ASTN1: variants seen among roughly 807,000 people sequenced by gnomAD.
ASTN1 encodes astrotactin 1.
Under a neutral mutation model 140.7 loss-of-function variants are expected in ASTN1, and 41 were observed. The observed-to-expected ratio is 0.29, with a 90% confidence interval of 0.23 to 0.38. ASTN1 has a LOEUF of 0.38. Among genes scored for constraint, ASTN1 ranks in the 10% least tolerant of loss-of-function variants. The pLI is 1.00. For missense variants in ASTN1, 1,479 were observed against 1,678.8 expected (o/e 0.88, Z 2.08); for synonymous variants, 640 against 652.2 (o/e 0.98, Z 0.29).
chr1:177,038,717 G>C (rs974823572), intron 2 of ASTN1, among the ~76,000 whole-genome samples: 2 of 151,960 alleles, frequency 1.3e-5, no homozygotes, highest in Admixed American at 6.6e-5. Flanking sequence ...TTTTTTTTCA[G>C]TGGTCACTGT....
intron 7 of ASTN1, among the ~76,000 whole-genome samples, chr1:177,020,731 T>C (rs1675781138): frequency 6.6e-6 from 1 of 152,216 alleles, no homozygotes; most frequent in Non-Finnish European, 1.5e-5. Context: ...CCTGGTGTTC[T>C]GAAGCATGGT....
At chr1:177,127,370 C>T (rs531909700) in intron 1 of ASTN1, among the ~76,000 whole-genome samples, 12 of 152,170 alleles carry the variant, frequency 7.9e-5, no homozygotes, top group East Asian at 5.8e-4. Flanking sequence ...CTTTTTATTC[C>T]GAGAAGCACT....
chr1:176,926,061 C>G (rs1670953268), intron 16 of ASTN1, among the ~76,000 whole-genome samples: 2 of 152,124 alleles, frequency 1.3e-5, no homozygotes, highest in African/African-American at 2.4e-5. Flanking sequence ...TCCGCCTTGG[C>G]CTCCCAGAGT....
At chr1:176,938,823 C>A (rs988296383) in intron 14 of ASTN1, among the ~76,000 whole-genome samples, 1 of 152,074 alleles carries the variant, frequency 6.6e-6, no homozygotes, top group African/African-American at 2.4e-5. Flanking sequence ...CATAAAAGTT[C>A]TTTGAGAAAG....
intron 12 of ASTN1, among the ~76,000 whole-genome samples, chr1:176,947,677 T>C (rs1032897505): frequency 2.0e-5 from 3 of 152,202 alleles, no homozygotes; most frequent in East Asian, 1.9e-4. Context: ...ACAGTGTTTC[T>C]AGGAAGAATT....
intron 1 of ASTN1, among the ~76,000 whole-genome samples, chr1:177,066,814 T>C (rs1678380307): frequency 6.6e-6 from 1 of 152,196 alleles, no homozygotes; most frequent in Admixed American, 6.5e-5. Flanking sequence ...AGAGCAGTCT[T>C]GGTATTCTGG....
intron 1 of ASTN1, among the ~76,000 whole-genome samples, chr1:177,140,541 T>C (rs889549167): frequency 1.8e-4 from 28 of 152,194 alleles, no homozygotes; most frequent in African/African-American, 5.8e-4. Context: ...AAAGCCTGGG[T>C]ACATTCTGTT....
chr1:176,907,443 G>T (rs963744838), intron 16 of ASTN1, among the ~76,000 whole-genome samples: 2 of 152,132 alleles, frequency 1.3e-5, no homozygotes, highest in Non-Finnish European at 2.9e-5. Flanking sequence ...GGGTACAAGT[G>T]GCCTGATTTG....
chr1:176,980,641 T>C (rs1346670942), intron 8 of ASTN1, among the ~76,000 whole-genome samples: 1 of 152,004 alleles, frequency 6.6e-6, no homozygotes, highest in African/African-American at 2.4e-5. Flanking sequence ...ATGGACTTGA[T>C]GACACTGGGA....
chr1:176,996,274 C>T (rs577278537), intron 8 of ASTN1, among the ~76,000 whole-genome samples: 19 of 113,198 alleles, frequency 1.7e-4, no homozygotes, highest in African/African-American at 6.2e-4. Flanking sequence ...CTCTCTCTCT[C>T]TCTCTCTCTC....
intron 1 of ASTN1, among the ~76,000 whole-genome samples, chr1:177,074,560 T>C (rs901841892): frequency 6.6e-6 from 1 of 152,208 alleles, no homozygotes; most frequent in Non-Finnish European, 1.5e-5. Flanking sequence ...CTTACACTCA[T>C]GCTAGGTTCC....
intron 16 of ASTN1, among the ~76,000 whole-genome samples, chr1:176,902,624 C>T (rs1557947307): frequency 1.3e-5 from 2 of 152,152 alleles, no homozygotes; most frequent in African/African-American, 2.4e-5. Flanking sequence ...ATTGACTAAA[C>T]AGCCTCCCGT....
intron 14 of ASTN1, among the ~76,000 whole-genome samples, chr1:176,940,493 G>A (rs1671670413): frequency 6.6e-6 from 1 of 152,184 alleles, no homozygotes; most frequent in South Asian, 2.1e-4. Flanking sequence ...CTCACTTCTA[G>A]TTAAGCCACC....
At chr1:177,087,312 T>A (rs1313150667) in intron 1 of ASTN1, among the ~76,000 whole-genome samples, 1 of 152,154 alleles carries the variant, frequency 6.6e-6, no homozygotes, top group African/African-American at 2.4e-5. Flanking sequence ...AAACCCTAGT[T>A]TTCAAACCCC....
At chr1:177,102,493 A>G (rs1042767118) in intron 1 of ASTN1, among the ~76,000 whole-genome samples, 2 of 152,166 alleles carry the variant, frequency 1.3e-5, no homozygotes. Context: ...TTCCCCATCA[A>G]GGTAACTTTA....
At position 176,862,396 on chromosome 1, in the gene ASTN1, G is replaced by C; in HGVS notation, c.*1888C>G. The C allele has an allele frequency of 1.0e-6, 1 of 985,496 alleles. No individual in the cohort carries two copies. Among genetic ancestry groups the C allele is most frequent in the Non-Finnish European group, 1.2e-6 (1 of 829,992 alleles). The allele number at this position is 985,496 out of a possible 1,614,324, so 61.0% of individuals were successfully genotyped here. On this transcript the variant is annotated 3_prime_UTR_variant, in exon 23 of 23. Coordinates refer to ENST00000361833, the MANE Select transcript of ASTN1 (RefSeq NM_004319.3). ...TGTGCAGTGGAACTAGGGGTCCCAA[G>C]GGTGCTCTAGCTCCAAAGGCTAAGG...
At chr1:177,091,081 A>C (rs1295583571) in intron 1 of ASTN1, among the ~76,000 whole-genome samples, 1 of 152,178 alleles carries the variant, frequency 6.6e-6, no homozygotes, top group Non-Finnish European at 1.5e-5. Flanking sequence ...TTCAAATGAA[A>C]AAAAATAAAC....
chr1:177,034,391 G>A lies in ASTN1; in HGVS notation c.472-1542C>T, dbSNP rs567098146. The stretch of plus-strand genomic sequence containing the variant: ...GGCTTGTTGGGGACAGATGTATGCT[G>A]ACCTCCTGGTTTTCAATTATTTCTT... On this transcript the variant is annotated intron_variant, in intron 2 of 22. Transcript: ENST00000361833. Among the ~76,000 whole-genome samples, 145 of 152,204 alleles carry A rather than the reference G, an allele frequency of 9.5e-4. 1 individual carries two copies. The highest frequency in any genetic ancestry group is 3.4e-3 in the African/African-American group (142 of 41,542).
At chr1:176,871,941 A>G (rs1668361665) in intron 21 of ASTN1, among the ~76,000 whole-genome samples, 1 of 152,208 alleles carries the variant, frequency 6.6e-6, no homozygotes, top group African/African-American at 2.4e-5. Flanking sequence ...GAGCCTGTCT[A>G]CACAGCCTCA....
Sources: gnomAD v4.1 joint callset for allele counts (sites outside exome capture counted in the v4.1 genomes callset) on GRCh38, gnomAD v4.1.1 for gene constraint, MANE v1.5 for transcripts, NCBI Gene and HGNC (gene_info 2026-07-23, HGNC 2026-07-21) for gene names.